Variants in PLXNA4 observed in about 807,000 individuals in gnomAD.
PLXNA4 encodes plexin A4.
PLXNA4 carries 44 observed loss-of-function variants against 191.8 expected under a neutral mutation model. The ratio of observed to expected loss-of-function variants is 0.23; its 90% CI spans 0.18 to 0.29. PLXNA4 has a LOEUF of 0.29. Among genes scored for constraint, PLXNA4 ranks in the 10% least tolerant of loss-of-function variants. The probability of loss-of-function intolerance (pLI) is 1.00; values close to 1 mark genes in which losing one functional copy is unlikely to be tolerated. For missense variants in PLXNA4, 1,800 were observed against 2,488.8 expected, an observed-to-expected ratio of 0.72 and a Z score of 5.89; for synonymous variants, 1,082 against 1,009.5, an observed-to-expected ratio of 1.07 and a Z score of -1.36.
At chr7:132,143,463 C>T (rs1477896490) in intron 29 of PLXNA4, among the ~76,000 whole-genome samples, 7 of 152,204 alleles carry the variant, frequency 4.6e-5, no homozygotes, top group Non-Finnish European at 1.5e-5. Flanking sequence ...TATTCTTGCA[C>T]TGTGCTACTA....
At chr7:132,386,386 T>G (rs1167174478) in intron 3 of PLXNA4, among the ~76,000 whole-genome samples, 2 of 152,170 alleles carry the variant, frequency 1.3e-5, no homozygotes, top group African/African-American at 4.8e-5. Context: ...CTCCAGCTGG[T>G]CTCATTCCTG....
At chr7:132,635,838 G>A (rs1328557198) in intron 2 of PLXNA4, among the ~76,000 whole-genome samples, 6 of 152,186 alleles carry the variant, frequency 3.9e-5, no homozygotes, top group Non-Finnish European at 7.3e-5. Context: ...GAAGTTCCAC[G>A]TTTAATACTT....
intron 4 of PLXNA4, among the ~76,000 whole-genome samples, chr7:132,254,194 T>G (rs1367118482): frequency 1.3e-5 from 2 of 152,178 alleles, no homozygotes; most frequent in African/African-American, 2.4e-5. Flanking sequence ...TTCATCTATC[T>G]GTATGATAGG....
chr7:132,464,511 C>G (rs945948325), intron 3 of PLXNA4, among the ~76,000 whole-genome samples: 1 of 152,194 alleles, frequency 6.6e-6, no homozygotes, highest in Non-Finnish European at 1.5e-5. Context: ...CTCTCAGCAC[C>G]TGCATCTCAG....
chr7:132,424,249 T>G (rs6976612), intron 3 of PLXNA4, among the ~76,000 whole-genome samples: 37,196 of 152,158 alleles, frequency 0.24, 10,464 homozygotes, highest in African/African-American at 0.68. Flanking sequence ...GTGCTGCTGG[T>G]CTGCCCCCCG....
chr7:132,500,552 C>T (rs1215756785), intron 2 of PLXNA4, among the ~76,000 whole-genome samples: 1 of 152,066 alleles, frequency 6.6e-6, no homozygotes, highest in African/African-American at 2.4e-5. Context: ...ATACCAAACA[C>T]CACACCTGCA....
chr7:132,331,132 T>C (rs1802574509), intron 3 of PLXNA4, among the ~76,000 whole-genome samples: 1 of 152,228 alleles, frequency 6.6e-6, no homozygotes, highest in Non-Finnish European at 1.5e-5. Context: ...CTGCATCACC[T>C]AGCTGTATAA....
intron 23 of PLXNA4, 84 bp from the exon 24 acceptor site, chr7:132,164,372 T>C: frequency 6.5e-7 from 1 of 1,548,400 alleles, no homozygotes; most frequent in Non-Finnish European, 8.7e-7. Context: ...AAGGGCTGCT[T>C]CCATCCCCTG....
chr7:132,194,112 C>G lies in PLXNA4; in HGVS notation c.2806G>C (p.Val936Leu). Residue 936 changes from valine (V) to leucine (L), a missense_variant, in exon 14 of 32, where the codon GTG (valine) becomes CTG (leucine). Physicochemically the swap from Val to Leu is conservative, Grantham distance 32 (BLOSUM62 1). Transcript: ENST00000321063. ...HAGFVEICVAVCRPEFMARSS... is the reference protein window; with the variant it reads ...HAGFVEICVALCRPEFMARSS... ...CGGGCCATGAATTCAGGCCGACACACAGCCACGCAGATCTCCACGAAGCCT... is the reference window on the plus strand; with the variant it reads ...CGGGCCATGAATTCAGGCCGACACAGAGCCACGCAGATCTCCACGAAGCCT... 6.2e-7 allele frequency: 1 copy of G among 1,614,044 alleles called. No homozygotes were observed. Among genetic ancestry groups the G allele is most frequent in the Non-Finnish European group, 8.5e-7 (1 of 1,179,936 alleles).
chr7:132,242,902 C>A (rs1054806213), intron 4 of PLXNA4, among the ~76,000 whole-genome samples: 1 of 152,184 alleles, frequency 6.6e-6, no homozygotes, highest in African/African-American at 2.4e-5. Flanking sequence ...TCTTTAATTT[C>A]TCTTCCTACT....
In PLXNA4 at chr7:132,191,829, T is replaced by TAC. The variant is rs1797100355; in HGVS notation, c.2856+2232_2856+2233insGT. Among the ~76,000 whole-genome samples the TAC allele has an allele frequency of 2.8e-5, 4 of 141,654 alleles. No homozygotes were observed. The South Asian group carries it at 7.1e-4, about 25-fold the overall frequency. 92.9% of individuals were successfully genotyped at this position (141,654 alleles called of 152,430 possible). On this transcript the variant is annotated intron_variant, in intron 14 of 31. Coordinates refer to ENST00000321063, the MANE Select transcript of PLXNA4 (RefSeq NM_020911.2). ...GTCTATATCATATACTATATATATA[T>TAC]ATATACACACACACACACACACATA...
intron 2 of PLXNA4, among the ~76,000 whole-genome samples, chr7:132,497,336 G>A (rs564112267): frequency 5.9e-4 from 90 of 152,254 alleles, no homozygotes; most frequent in African/African-American, 1.9e-3. Context: ...ATTGGGAACC[G>A]TATCTCAAAT....
intron 3 of PLXNA4, among the ~76,000 whole-genome samples, chr7:132,396,084 G>A (rs1432687444): frequency 1.6e-4 from 25 of 152,134 alleles, no homozygotes; most frequent in Admixed American, 3.9e-4. Flanking sequence ...TAAGGCAAAT[G>A]TACCCTAGAG....
chr7:132,441,963 C>A (rs1437922479), intron 3 of PLXNA4, among the ~76,000 whole-genome samples: 1 of 152,168 alleles, frequency 6.6e-6, no homozygotes, highest in African/African-American at 2.4e-5. Context: ...GCCACCAATG[C>A]TCGGTCAAAA....
In PLXNA4 at chr7:132,636,921, G is replaced by A. The variant is rs186367384; in HGVS notation, c.-87+9007C>T. ...GCATGCAAAGGATGCAGGAGGTGGG[G>A]AGGTGGGAAGAATTCTGCTCCATCC... On this transcript the variant is annotated intron_variant, in intron 2 of 4. Transcript: ENST00000378539. Among the ~76,000 whole-genome samples, 3 of 152,288 alleles carry A rather than the reference G, an allele frequency of 2.0e-5. No homozygotes were observed. The East Asian group carries it at 5.8e-4, about 29-fold the overall frequency.
chr7:132,489,601 T>C (rs1797701127), intron 2 of PLXNA4, 127 bp from the exon 3 acceptor site: 2 of 906,094 alleles, frequency 2.2e-6, no homozygotes, highest in East Asian at 5.3e-5. Flanking sequence ...TCCCTCTTTT[T>C]TACATGAAAA....
intron 9 of PLXNA4, among the ~76,000 whole-genome samples, chr7:132,214,208 C>T (rs529106583): frequency 4.3e-4 from 65 of 152,158 alleles, no homozygotes; most frequent in Non-Finnish European, 8.7e-4. Flanking sequence ...CGGAGCTGGG[C>T]TGGAACCCTG....
At chr7:132,137,999 G>T (rs1446622548) in intron 30 of PLXNA4, among the ~76,000 whole-genome samples, 9 of 151,906 alleles carry the variant, frequency 5.9e-5, no homozygotes, top group Non-Finnish European at 1.2e-4. Context: ...GATGAGTGGG[G>T]GATGGGTGGG....
At chr7:132,621,845 GTTGTTTTATT>G (rs1339997372) in intron 2 of PLXNA4, among the ~76,000 whole-genome samples, 2 of 152,140 alleles carry the variant, frequency 1.3e-5, no homozygotes, top group Non-Finnish European at 2.9e-5. Flanking sequence ...GTTTCCCACT[GTTGTTTTATT>G]TTGCCCAGGA....
Sources: allele counts gnomAD v4.1 joint callset (sites outside exome capture counted in the v4.1 genomes callset), GRCh38; gene constraint gnomAD v4.1.1; transcripts MANE v1.5; gene names NCBI Gene and HGNC (gene_info 2026-07-23, HGNC 2026-07-21).